The following CYTH4 variants were observed in gnomAD, a reference collection of about 807,000 sequenced individuals.
CYTH4 encodes the protein cytohesin-4.
CYTH4 carries 22 observed loss-of-function variants against 57.5 expected under a neutral mutation model. That is an observed-to-expected ratio of 0.38 (90% CI 0.27 to 0.55). CYTH4 has a LOEUF of 0.55. Among genes scored for constraint, CYTH4 ranks in the 20% least tolerant of loss-of-function variants. CYTH4 has a pLI of 0.74. For synonymous variants in CYTH4, 186 were observed against 206.5 expected (o/e 0.90, Z 0.85); for missense variants, 420 against 535.6 (o/e 0.78, Z 2.13).
In CYTH4 at chr22:37,311,016, C is replaced by T. The variant is rs781031003; in HGVS notation, c.837C>T (p.Arg279=). The T allele has an allele frequency of 4.3e-6, 7 of 1,614,210 alleles. No homozygotes were observed. Among genetic ancestry groups the T allele is most frequent in the Non-Finnish European group, 5.9e-6 (7 of 1,180,032 alleles). ...LGGRVKTWKR[R]WFILTDNCLY... is the part of the protein sequence containing the mutation. ...GCCGCGTGAAGACGTGGAAACGGCG[C>T]TGGTTCATCCTGACCGACAACTGCC... Residue 279 remains arginine, a synonymous_variant, in exon 10 of 13, where the codon CGC becomes CGT. Transcript: ENST00000248901. The surrounding 1 kb of genome is among the most constrained non-coding windows in gnomAD (Gnocchi z 4.4).
intron 12 of CYTH4, 68 bp from the exon 13 acceptor site, chr22:37,313,371 A>T: frequency 1.3e-6 from 2 of 1,492,624 alleles, no homozygotes; most frequent in Non-Finnish European, 1.9e-6. Context: ...CCCTGATACA[A>T]GCCCTGGGAG....
chr22:37,315,071 C>T lies in CYTH4; in HGVS notation c.*1560C>T, dbSNP rs1929809098. The T allele has an allele frequency of 1.3e-5, 2 of 152,316 alleles. No homozygotes were observed. Among genetic ancestry groups the T allele is most frequent in the Non-Finnish European group, 2.9e-5 (2 of 68,110 alleles). 9.4% of individuals were successfully genotyped at this position (152,316 alleles called of 1,614,324 possible). A position where few individuals can be genotyped will look rare whatever the true frequency, so the allele number is the denominator to read the frequency against. ...GGACATCTGAGGACATCCGCAGATT[C>T]TTGTCAGCCTGTGAACTAGGCCCTG... On this transcript the variant is annotated 3_prime_UTR_variant, in exon 13 of 13. Transcript: ENST00000248901.
At chr22:37,286,873 T>G (rs1191150030) in intron 1 of CYTH4, among the ~76,000 whole-genome samples, 2 of 151,952 alleles carry the variant, frequency 1.3e-5, no homozygotes, top group African/African-American at 4.8e-5. Context: ...CCAGAATGGG[T>G]AGAAGAGGCA....
Position 37,314,339 on chromosome 22 carries a change from C to T in CYTH4, c.*828C>T, listed in dbSNP as rs1569114309. On this transcript the variant is annotated 3_prime_UTR_variant, in exon 13 of 13. Transcript: ENST00000248901. Reference sequence around the variant, plus strand: ...ACTCCACCTTCCAGGATGTCCATTTCGGGGAGAGGAGCAGGTGGGACCCTC... The same window carrying T: ...ACTCCACCTTCCAGGATGTCCATTTTGGGGAGAGGAGCAGGTGGGACCCTC... 2.5e-6 allele frequency: 1 copy of T among 398,684 alleles called. No individual in the cohort carries two copies. The highest frequency in any genetic ancestry group is 4.4e-6 in the Non-Finnish European group (1 of 226,120). The allele number at this position is 398,684 out of a possible 1,614,324, so 24.7% of individuals were successfully genotyped here. A position where few individuals can be genotyped will look rare whatever the true frequency, so the allele number is the denominator to read the frequency against.
intron 12 of CYTH4, among the ~76,000 whole-genome samples, chr22:37,312,614 G>A (rs1002230274): frequency 3.3e-5 from 5 of 152,320 alleles, no homozygotes; most frequent in Admixed American, 6.5e-5. Flanking sequence ...CCCGGAGTCC[G>A]AGTGAGGCTA....
At chr22:37,289,100 T>C (rs912787477) in intron 1 of CYTH4, among the ~76,000 whole-genome samples, 1 of 152,204 alleles carries the variant, frequency 6.6e-6, no homozygotes, top group Non-Finnish European at 1.5e-5. Context: ...TTTCATGGAA[T>C]CAGTTTGCCC....
At chr22:37,291,249 G>A (rs566881950) in intron 1 of CYTH4, among the ~76,000 whole-genome samples, 1 of 152,206 alleles carries the variant, frequency 6.6e-6, no homozygotes. Flanking sequence ...TGAACATGAT[G>A]AGTCTTCTCC....
At chr22:37,313,350 G>A in intron 12 of CYTH4, 89 bp from the exon 13 acceptor site, 1 of 1,332,316 alleles carries the variant, frequency 7.5e-7, no homozygotes, top group Non-Finnish European at 1.1e-6. Flanking sequence ...ACCTCCCTGG[G>A]AATCCCATGC....
chr22:37,311,170 G>A lies in CYTH4; in HGVS notation c.885+106G>A. On this transcript the variant is annotated intron_variant, in intron 10 of 12. Transcript: ENST00000248901. This position sits in a 1 kb window ranked among gnomAD's most constrained non-coding sequence, Gnocchi z 4.4. Reference sequence around the variant, plus strand: ...ACTCACACAGCTTTGGATCCTTTGAGATCATTCAGTCCCCCTCCATGCCCA... The same window carrying A: ...ACTCACACAGCTTTGGATCCTTTGAAATCATTCAGTCCCCCTCCATGCCCA... The A allele has an allele frequency of 7.8e-7, 1 of 1,282,268 alleles. No homozygotes were observed. The highest frequency in any genetic ancestry group is 1.8e-5 in the Admixed American group (1 of 57,018). The allele number at this position is 1,282,268 out of a possible 1,614,324, so 79.4% of individuals were successfully genotyped here. A position where few individuals can be genotyped will look rare whatever the true frequency, so the allele number is the denominator to read the frequency against.
intron 8 of CYTH4, among the ~76,000 whole-genome samples, chr22:37,304,787 G>A (rs1248982834): frequency 1.3e-5 from 2 of 152,188 alleles, no homozygotes; most frequent in African/African-American, 4.8e-5. Context: ...TTGCCTGCTA[G>A]GTGACCTTGG....
intron 8 of CYTH4, among the ~76,000 whole-genome samples, chr22:37,308,010 C>T (rs1191487145): frequency 6.6e-6 from 1 of 152,224 alleles, no homozygotes; most frequent in East Asian, 1.9e-4. Context: ...AGAAAGGCTT[C>T]CGTGGAGAAC....
chr22:37,290,063 G>A (rs1928696183), intron 1 of CYTH4, among the ~76,000 whole-genome samples: 2 of 152,120 alleles, frequency 1.3e-5, no homozygotes, highest in Admixed American at 6.6e-5. Context: ...GACCCCATGG[G>A]CCAAGGTACC....
rs1290647717 is a variant in CYTH4, at chr22:37,308,058, C to CG, written c.697-1152dup. ...TCTGGGAACTCCCCAGACCCCACCC[C>CG]GGCCCATCCAGCATAGGTCTGCTTA... On this transcript the variant is annotated intron_variant, in intron 8 of 12. Transcript: ENST00000248901. Among the ~76,000 whole-genome samples the CG allele has an allele frequency of 2.0e-5, 3 of 152,344 alleles. No individual in the cohort carries two copies. The East Asian group carries it at 5.8e-4, about 29-fold the overall frequency.
At chr22:37,304,720 C>T (rs978126315) in intron 8 of CYTH4, among the ~76,000 whole-genome samples, 9 of 152,172 alleles carry the variant, frequency 5.9e-5, no homozygotes, top group African/African-American at 1.7e-4. Context: ...GGAGCCACTC[C>T]GTAGCATGAG....
At chr22:37,302,901 G>A (rs909580851) in intron 7 of CYTH4, among the ~76,000 whole-genome samples, 1 of 152,186 alleles carries the variant, frequency 6.6e-6, no homozygotes, top group Non-Finnish European at 1.5e-5. Context: ...AGAGAACAGA[G>A]TGGGCAGGGG....
Position 37,296,334 on chromosome 22 carries a change from T to TCTGGGCC in CYTH4, c.234+270_234+276dup, listed in dbSNP as rs1928967136. The TCTGGGCC allele has an allele frequency of 2.1e-5, 10 of 481,404 alleles. No homozygotes were observed. The South Asian group carries it at 2.7e-4, about 13-fold the overall frequency. 29.8% of individuals were successfully genotyped at this position (481,404 alleles called of 1,614,324 possible). A position where few individuals can be genotyped will look rare whatever the true frequency, so the allele number is the denominator to read the frequency against. On this transcript the variant is annotated intron_variant, in intron 4 of 12. Transcript: ENST00000248901. Reference sequence around the variant, plus strand: ...GCACTTGGCCTAGTCCCTTCCCCACTCTGGGCCTCCATTTCCTTCTCCATG... The same window carrying TCTGGGCC: ...GCACTTGGCCTAGTCCCTTCCCCACTCTGGGCCCTGGGCCTCCATTTCCTTCTCCATG...
chr22:37,292,417 G>A (rs1928778189), intron 1 of CYTH4: 1 of 561,668 alleles, frequency 1.8e-6, no homozygotes, highest in Non-Finnish European at 3.2e-6. Context: ...ATCCAGGGGG[G>A]TGGGAGAAAC....
Position 37,298,101 on chromosome 22 carries a change from G to T in CYTH4, c.353+419G>T, listed in dbSNP as rs141322122. The T allele has an allele frequency of 5.0e-3, 819 of 162,830 alleles. 8 individuals carry two copies. Among genetic ancestry groups the T allele is most frequent in the African/African-American group, 0.019 (787 of 41,662 alleles). 10.1% of individuals were successfully genotyped at this position (162,830 alleles called of 1,614,324 possible). On this transcript the variant is annotated intron_variant, in intron 5 of 12. Coordinates refer to ENST00000248901, the MANE Select transcript of CYTH4 (RefSeq NM_013385.5). This position sits in a 1 kb window ranked among gnomAD's most constrained non-coding sequence, Gnocchi z 4.1. ...ATGCTGGGGACCGGCCAGGCTCGGG[G>T]CTCATGCCTGTAATCCCAGCACTTT...
rs1466475196 is a variant in CYTH4 at position 37,299,272 on chromosome 22, G to A, written c.400G>A (p.Glu134Lys). The change falls in exon 6 of 13, where the codon GAG becomes AAG. Residue 134 changes from glutamate (E) to lysine (K), a missense_variant. By Grantham distance (56) the Glu-to-Lys change is moderately conservative (BLOSUM62 1). Coordinates refer to ENST00000248901, the MANE Select transcript of CYTH4 (RefSeq NM_013385.5). ...QVLQAFVDCHEFANLNLVQAL... is the reference protein window; with the variant it reads ...QVLQAFVDCHKFANLNLVQAL... ...CCTCCAGGCCTTCGTGGACTGCCAC[G>A]AGTTCGCCAACCTCAACCTCGTCCA... 3.1e-6 allele frequency: 5 copies of A among 1,599,580 alleles called. No individual in the cohort carries two copies. Among genetic ancestry groups the A allele is most frequent in the East Asian group, 2.3e-5 (1 of 43,774 alleles).
Sources: gnomAD v4.1 joint callset for allele counts (sites outside exome capture counted in the v4.1 genomes callset) on GRCh38, gnomAD v4.1.1 for gene constraint, Gnocchi (gnomAD v3.1) non-coding constraint, MANE v1.5 for transcripts, NCBI Gene and HGNC (gene_info 2026-07-23, HGNC 2026-07-21) for gene names.